Variants in COMT observed in about 807,000 individuals in gnomAD.
COMT encodes catechol O-methyltransferase.
Under a neutral mutation model 18.9 loss-of-function variants are expected in COMT, and 13 were observed. The ratio of observed to expected loss-of-function variants is 0.69; its 90% CI spans 0.45 to 1.09. COMT has a LOEUF of 1.09. COMT is among the 50% of genes least tolerant of loss of function. The pLI, the probability that COMT is intolerant of heterozygous loss-of-function variation, is 0.00. For synonymous variants in COMT, 150 were observed against 160.9 expected, an observed-to-expected ratio of 0.93 and a Z score of 0.51; for missense variants, 329 against 361.8, an observed-to-expected ratio of 0.91 and a Z score of 0.73.
chr22:19,950,552 T>G (rs1307178997), intron 1 of COMT, among the ~76,000 whole-genome samples: 1 of 152,066 alleles, frequency 6.6e-6, no homozygotes, highest in Non-Finnish European at 1.5e-5. Flanking sequence ...CTGGTTGCTT[T>G]TGTGGGTCCC....
At position 19,969,941 on chromosome 22, in the gene COMT, T is replaced by A. The variant is rs1569140704; in HGVS notation, c.*1205T>A. On this transcript the variant is annotated 3_prime_UTR_variant, in exon 6 of 6. Transcript: ENST00000361682. ...TTAAATTTTCTTACAAAAATTTAGG[T>A]GTTTACCAATAGTCTTATTTTGGCT... 1 of 985,524 alleles carries A rather than the reference T, an allele frequency of 1.0e-6. No individual in the cohort carries two copies. The highest frequency in any genetic ancestry group is 1.2e-6 in the Non-Finnish European group (1 of 829,928). 61.0% of individuals were successfully genotyped at this position (985,524 alleles called of 1,614,324 possible).
chr22:19,952,850 C>T (rs541306902), intron 1 of COMT, among the ~76,000 whole-genome samples: 88 of 151,434 alleles, frequency 5.8e-4, no homozygotes, highest in Admixed American at 1.5e-3. Flanking sequence ...ACTCAGGAGG[C>T]TGAGGCAGGA....
intron 1 of COMT, among the ~76,000 whole-genome samples, chr22:19,956,144 T>TCC (rs1332061975): frequency 8.3e-5 from 10 of 120,432 alleles, no homozygotes; most frequent in African/African-American, 2.9e-4. Context: ...TTTCTTTTTT[T>TCC]TTTTTTTTTT....
At chr22:19,943,192 C>A (rs188735187) in intron 1 of COMT, among the ~76,000 whole-genome samples, 3 of 152,162 alleles carry the variant, frequency 2.0e-5, no homozygotes, top group South Asian at 2.1e-4. Context: ...CAGCACTCCC[C>A]CTGTGCAAGA....
At chr22:19,944,746 C>T (rs528107433) in intron 1 of COMT, among the ~76,000 whole-genome samples, 1 of 144,864 alleles carries the variant, frequency 6.9e-6, no homozygotes, top group South Asian at 2.2e-4. Flanking sequence ...GGTGTGAACC[C>T]GGGAGGTGGA....
At chr22:19,966,994 G>A (rs751132837) in intron 5 of COMT, 1 of 985,448 alleles carries the variant, frequency 1.0e-6, no homozygotes, top group Non-Finnish European at 1.2e-6. Context: ...TTCTCCAGGT[G>A]GTCTGAGTAG....
chr22:19,968,907 G>A lies in COMT; in HGVS notation c.*171G>A. The A allele has an allele frequency of 1.6e-6, 1 of 630,796 alleles. No individual in the cohort carries two copies. Among genetic ancestry groups the A allele is most frequent in the Non-Finnish European group, 2.8e-6 (1 of 353,944 alleles). 39.1% of individuals were successfully genotyped at this position (630,796 alleles called of 1,614,324 possible). The stretch of plus-strand genomic sequence containing the variant: ...CCTCTCTGAACTGCAACACTGGATT[G>A]TTCTTTTTTAAGACTCAATCATGAC... On this transcript the variant is annotated 3_prime_UTR_variant, in exon 6 of 6. Transcript: ENST00000361682.
intron 1 of COMT, among the ~76,000 whole-genome samples, chr22:19,950,701 C>A (rs1941916376): frequency 6.6e-6 from 1 of 152,018 alleles, no homozygotes; most frequent in South Asian, 2.1e-4. Flanking sequence ...GGGGGTGTCT[C>A]CTTCAAGAGA....
At chr22:19,958,907 A>T (rs1274298022) in intron 1 of COMT, among the ~76,000 whole-genome samples, 5 of 152,002 alleles carry the variant, frequency 3.3e-5, no homozygotes, top group Admixed American at 3.3e-4. Context: ...AACAAAAAAA[A>T]AGCACATTTC....
Position 19,955,267 on chromosome 22 carries a change from C to T in COMT, c.-91-5932C>T, listed in dbSNP as rs994815233. On this transcript the variant is annotated intron_variant, in intron 1 of 5. Transcript: ENST00000361682. The stretch of plus-strand genomic sequence containing the variant: ...CAGCCCCTGGGTCCAGAGATGAGCG[C>T]GGGGCCTGGCTGCAGCCTGTGGGGT... Among the ~76,000 whole-genome samples, 10 of 152,050 alleles carry T rather than the reference C, an allele frequency of 6.6e-5. No individual in the cohort carries two copies. The East Asian group carries it at 7.7e-4, about 12-fold the overall frequency.
chr22:19,966,774 T>C lies in COMT; in HGVS notation c.616-1762T>C, dbSNP rs1249768499. Among the ~76,000 whole-genome samples the C allele has an allele frequency of 2.7e-5, 4 of 148,950 alleles. No homozygotes were observed. In the East Asian group the frequency reaches 8.1e-4, roughly 30 times the overall value. On this transcript the variant is annotated intron_variant, in intron 5 of 5. Transcript: ENST00000361682. The stretch of plus-strand genomic sequence containing the variant: ...TGTTGTTGTTTCTCGAGACAGTCTC[T>C]CGCTCTGTCGCCCAGGCTGGAGTGC...
At chr22:19,951,099 C>T (rs1941924533) in intron 1 of COMT, 1 of 152,174 alleles carries the variant, frequency 6.6e-6, no homozygotes, top group Non-Finnish European at 1.5e-5. Flanking sequence ...GTGGCGCACG[C>T]CTGTAATCCC....
chr22:19,962,947 C>T, intron 3 of COMT, 132 bp downstream of exon 3: 2 of 1,201,848 alleles, frequency 1.7e-6, no homozygotes, highest in Non-Finnish European at 1.1e-6. Flanking sequence ...CCAGATAGGG[C>T]TGGGGGGCTC....
intron 4 of COMT, 23 bp from the exon 5 acceptor site, chr22:19,964,145 G>T (rs759939161): frequency 9.9e-6 from 16 of 1,613,836 alleles, no homozygotes; most frequent in South Asian, 6.6e-5. Context: ...TGAGGACGTG[G>T]GCACTGACAG....
chr22:19,963,111 C>G (rs1028706629), intron 3 of COMT, among the ~76,000 whole-genome samples: 2 of 152,146 alleles, frequency 1.3e-5, no homozygotes, highest in African/African-American at 2.4e-5. Context: ...GCCTGGGGAC[C>G]AGTCAGACAG....
chr22:19,960,903 T>A (rs1942177556), intron 1 of COMT, among the ~76,000 whole-genome samples: 2 of 152,214 alleles, frequency 1.3e-5, no homozygotes, highest in South Asian at 4.1e-4. Context: ...CCTCTTGTGG[T>A]TCACAAGGTG....
intron 1 of COMT, among the ~76,000 whole-genome samples, chr22:19,947,212 G>C (rs142882318): frequency 6.6e-6 from 1 of 151,992 alleles, no homozygotes; most frequent in Non-Finnish European, 1.5e-5. Flanking sequence ...CACCGCGTCC[G>C]GCCCTAAATA....
Position 19,962,546 on chromosome 22 carries a change from T to C in COMT, c.20T>C (p.Leu7Pro), listed in dbSNP as rs753302283. The C allele has an allele frequency of 4.4e-6, 6 of 1,350,084 alleles. No homozygotes were observed. In the South Asian group the frequency reaches 7.3e-5, roughly 16 times the overall value. 83.6% of individuals were successfully genotyped at this position (1,350,084 alleles called of 1,614,324 possible). ...CTGCAGATGCCGGAGGCCCCGCCTC[T>C]GCTGTTGGCAGCTGTGTTGCTGGGC... MPEAPP[L>P]LLAAVLLGLV... The change falls in exon 3 of 6, where the codon CTG (leucine) becomes CCG (proline). Residue 7 changes from leucine (L) to proline (P), a missense_variant. By Grantham distance (98) the Leu-to-Pro change is moderately conservative. Coordinates refer to ENST00000361682, the MANE Select transcript of COMT (RefSeq NM_000754.4).
intron 1 of COMT, among the ~76,000 whole-genome samples, chr22:19,945,200 C>T (rs1941816570): frequency 6.6e-6 from 1 of 152,220 alleles, no homozygotes; most frequent in Non-Finnish European, 1.5e-5. Context: ...GTGAATTCCT[C>T]TCTTCTCGAG....
Sources: gnomAD v4.1 joint callset for allele counts (sites outside exome capture counted in the v4.1 genomes callset) on GRCh38, gnomAD v4.1.1 for gene constraint, MANE v1.5 for transcripts, NCBI Gene and HGNC (gene_info 2026-07-23, HGNC 2026-07-21) for gene names.